The following ZNF765 variants were observed in gnomAD, a reference collection of about 807,000 sequenced individuals.
The protein encoded by ZNF765 is zinc finger protein 765.
ZNF765 carries 37 observed loss-of-function variants against 44.7 expected under a neutral mutation model. That is an observed-to-expected ratio of 0.83 (90% CI 0.64 to 1.09). ZNF765 has a LOEUF of 1.09. Among genes scored for constraint, ZNF765 ranks in the 50% least tolerant of loss-of-function variants. The pLI is 0.00. For missense variants in ZNF765, 594 were observed against 626.1 expected (o/e 0.95, Z 0.55); for synonymous variants, 201 against 213.7 (o/e 0.94, Z 0.52).
Position 53,409,476 on chromosome 19 carries a change from C to T in ZNF765, c.*349C>T. ...ACAGGTGTAATGAGTGTGGCAAGAC[C>T]TTCAGCCAGACCTCATCCCTTACAT... is the stretch of plus-strand genomic sequence containing the variant. On this transcript the variant is annotated 3_prime_UTR_variant, in exon 4 of 4. Transcript: ENST00000396408. The T allele has an allele frequency of 1.1e-6, 1 of 909,364 alleles. No individual in the cohort carries two copies. The allele number at this position is 909,364 out of a possible 1,614,324, so 56.3% of individuals were successfully genotyped here.
At chr19:53,415,218 G>A (rs567647314), downstream of ZNF765, among the ~76,000 whole-genome samples, 84 of 151,542 alleles carry the variant, frequency 5.5e-4, no homozygotes, top group African/African-American at 1.7e-3. Flanking sequence ...TGGGGTAAGC[G>A]GAAATCACGC....
chr19:53,425,399 C>G (rs1312462019), exon 4 of ZNF765: 1 of 152,182 alleles, frequency 6.6e-6, no homozygotes, highest in Non-Finnish European at 1.5e-5. Context: ...ACCTCCCCAC[C>G]CCGGGCTCCA....
intron 3 of ZNF765, among the ~76,000 whole-genome samples, chr19:53,421,108 A>G (rs1016827418): frequency 6.6e-6 from 1 of 152,144 alleles, no homozygotes; most frequent in Non-Finnish European, 1.5e-5. Context: ...TCAGGGCTGG[A>G]GGTGAGACAT....
chr19:53,417,155 G>A (rs1332721706), intron 3 of ZNF765, among the ~76,000 whole-genome samples: 1 of 152,046 alleles, frequency 6.6e-6, no homozygotes, highest in Non-Finnish European at 1.5e-5. Context: ...TAAGTTCAGG[G>A]GTACATGTGC....
intron 2 of ZNF765, among the ~76,000 whole-genome samples, chr19:53,401,512 G>A (rs1400793654): frequency 6.6e-6 from 1 of 151,194 alleles, no homozygotes; most frequent in African/African-American, 2.4e-5. Flanking sequence ...GCAGTGAGCC[G>A]AGATCGCGCC....
chr19:53,402,294 T>A, intron 3 of ZNF765, 103 bp downstream of exon 3: 1 of 1,489,682 alleles, frequency 6.7e-7, no homozygotes, highest in Non-Finnish European at 8.8e-7. Context: ...TCTCGCTCTG[T>A]CGCCCAGGCT....
intron 2 of ZNF765, 123 bp from the exon 3 acceptor site, chr19:53,401,942 C>T (rs781393604): frequency 9.4e-6 from 15 of 1,602,702 alleles, no homozygotes; most frequent in Middle Eastern, 3.3e-4. Flanking sequence ...AAATCCCTTA[C>T]TCAGATTTGT....
intron 3 of ZNF765, among the ~76,000 whole-genome samples, chr19:53,422,673 C>T (rs1383682116): frequency 6.6e-6 from 1 of 152,104 alleles, no homozygotes; most frequent in African/African-American, 2.4e-5. Context: ...CTCCTGAGTT[C>T]AAGGGATCCT....
chr19:53,402,207 C>T lies in ZNF765; in HGVS notation c.142+16C>T, dbSNP rs775051899. On this transcript the variant is annotated intron_variant, in intron 3 of 3. Transcript: ENST00000396408. The stretch of plus-strand genomic sequence containing the variant: ...GTCTCCCTGGGTGAGGATGACTTCC[C>T]TCCTGGGGATGTGCCCTTGCGTATC... 1.2e-6 allele frequency: 2 copies of T among 1,610,862 alleles called. No individual in the cohort carries two copies. Among genetic ancestry groups the T allele is most frequent in the Non-Finnish European group, 1.7e-6 (2 of 1,179,192 alleles).
intron 3 of ZNF765, among the ~76,000 whole-genome samples, chr19:53,406,376 A>T (rs1157944035): frequency 6.6e-6 from 1 of 151,918 alleles, no homozygotes; most frequent in African/African-American, 2.4e-5. Flanking sequence ...TTTTGACCTC[A>T]TAAGTCAGAA....
At chr19:53,414,623 G>A (rs1260277108), downstream of ZNF765, among the ~76,000 whole-genome samples, 1 of 151,164 alleles carries the variant, frequency 6.6e-6, no homozygotes, top group African/African-American at 2.4e-5. Context: ...CCTTCTACGG[G>A]ATGACAGGGG....
rs142680069 is a variant in ZNF765 at position 53,403,616 on chromosome 19, G to A, written c.142+1425G>A. The stretch of plus-strand genomic sequence containing the variant: ...CCCAGCACTTCGGGAGGCCGAGGCA[G>A]GCAAATCACCTGAGGTCAGGAGTTC... On this transcript the variant is annotated intron_variant, in intron 3 of 3. Transcript: ENST00000396408. Among the ~76,000 whole-genome samples the A allele has an allele frequency of 8.0e-3, 1,215 of 152,314 alleles. 14 individuals carry two copies. The highest frequency in any genetic ancestry group is 0.028 in the African/African-American group (1,156 of 41,568).
intron 1 of ZNF765, among the ~76,000 whole-genome samples, 153 bp from the exon 2 acceptor site, chr19:53,397,790 G>T (rs551597966): frequency 3.9e-5 from 6 of 152,114 alleles, no homozygotes; most frequent in African/African-American, 1.2e-4. Flanking sequence ...AGGGGAGTGG[G>T]AGTTTTCCTG....
downstream of ZNF765, among the ~76,000 whole-genome samples, chr19:53,414,722 TTGTC>T (rs1214664520): frequency 4.0e-5 from 6 of 148,714 alleles, no homozygotes; most frequent in African/African-American, 1.5e-4. Flanking sequence ...CTGTTATCAG[TTGTC>T]TGTCTTGGGG....
At chr19:53,397,293 C>T (rs1322405523) in intron 1 of ZNF765, among the ~76,000 whole-genome samples, 1 of 152,212 alleles carries the variant, frequency 6.6e-6, no homozygotes, top group African/African-American at 2.4e-5. Flanking sequence ...ATTTTTGTGG[C>T]TTGCTGGGCC....
downstream of ZNF765, among the ~76,000 whole-genome samples, chr19:53,416,932 C>A (rs1489973084): frequency 6.6e-6 from 1 of 151,982 alleles, no homozygotes; most frequent in Non-Finnish European, 1.5e-5. Flanking sequence ...ATTCTCCTCT[C>A]TCAGCCTTCC....
Position 53,409,324 on chromosome 19 carries a change from C to A in ZNF765, c.*197C>A. 1 of 869,888 alleles carries A rather than the reference C, an allele frequency of 1.1e-6. No individual in the cohort carries two copies. Among genetic ancestry groups the A allele is most frequent in the Non-Finnish European group, 2.0e-6 (1 of 510,660 alleles). 53.9% of individuals were successfully genotyped at this position (869,888 alleles called of 1,614,324 possible). Reference sequence around the variant, plus strand: ...TGTGGCAAGACCTTGAGTCATACGTCATCTTTTGTGTACCATCATAAACTT... The same window carrying A: ...TGTGGCAAGACCTTGAGTCATACGTAATCTTTTGTGTACCATCATAAACTT... On this transcript the variant is annotated 3_prime_UTR_variant, in exon 4 of 4. Transcript: ENST00000396408.
chr19:53,408,248 G>A lies in ZNF765; in HGVS notation c.693G>A (p.Arg231=), dbSNP rs1276634336. Residue 231 remains arginine (R), a synonymous_variant, in exon 4 of 4, where the codon AGG becomes AGA. Coordinates refer to ENST00000396408, the MANE Select transcript of ZNF765 (RefSeq NM_001040185.3). The stretch of plus-strand genomic sequence containing the variant: ...CCTATAATTGTAGCTCACTCTTAAG[G>A]AAACATCAGTTAATCCATTTAGGAG... ...GKAYNCSSLL[R]KHQLIHLGEK... 6.2e-7 allele frequency: 1 copy of A among 1,614,084 alleles called. No homozygotes were observed. The highest frequency in any genetic ancestry group is 2.2e-5 in the East Asian group (1 of 44,898).
Position 53,409,820 on chromosome 19 carries a change from T to C in ZNF765, c.*693T>C. 4.2e-6 allele frequency: 3 copies of C among 720,416 alleles called. No homozygotes were observed. The highest frequency in any genetic ancestry group is 7.7e-6 in the Non-Finnish European group (3 of 389,042). 44.6% of individuals were successfully genotyped at this position (720,416 alleles called of 1,614,324 possible). On this transcript the variant is annotated 3_prime_UTR_variant, in exon 4 of 4. Transcript: ENST00000396408. ...GTGTGGCAAGACCTTTAGTCTGAAG[T>C]CATACCTTACGCACCATCGTAGACT...
Sources: allele counts gnomAD v4.1 joint callset (sites outside exome capture counted in the v4.1 genomes callset), GRCh38; gene constraint gnomAD v4.1.1; transcripts MANE v1.5; gene names NCBI Gene and HGNC (gene_info 2026-07-23, HGNC 2026-07-21).